JMJD1C: variants seen among roughly 807,000 people sequenced by gnomAD.
JMJD1C encodes the protein jumonji domain containing 1C, also known as jumonji domain-containing protein 1C.
Under a neutral mutation model 245.3 loss-of-function variants are expected in JMJD1C, and 31 were observed. The ratio of observed to expected loss-of-function variants is 0.13; its 90% CI spans 0.09 to 0.17. The LOEUF (loss-of-function observed/expected upper bound fraction) is 0.17, where lower values mean the gene tolerates loss of function less well. JMJD1C is among the 10% of genes least tolerant of loss of function. The pLI is 1.00. For missense variants in JMJD1C, 2,691 were observed against 3,000.2 expected, an observed-to-expected ratio of 0.90 and a Z score of 2.41; for synonymous variants, 1,057 against 1,017.4, an observed-to-expected ratio of 1.04 and a Z score of -0.74.
intron 13 of JMJD1C, among the ~76,000 whole-genome samples, chr10:63,195,996 A>G (rs1845416932): frequency 6.6e-6 from 1 of 151,504 alleles, no homozygotes; most frequent in Non-Finnish European, 1.5e-5. Context: ...TATGAAAATC[A>G]GCAGGCTGGG....
intron 1 of JMJD1C, among the ~76,000 whole-genome samples, chr10:63,474,625 T>C (rs1280666290): frequency 6.6e-6 from 1 of 151,972 alleles, no homozygotes; most frequent in Non-Finnish European, 1.5e-5. Context: ...TCATTTTTTA[T>C]TTTTTTGTAG....
intron 3 of JMJD1C, among the ~76,000 whole-genome samples, chr10:63,241,239 T>C (rs940065098): frequency 6.6e-6 from 1 of 152,200 alleles, no homozygotes; most frequent in Non-Finnish European, 1.5e-5. Context: ...ACTGAAAATA[T>C]TAAGTTGAAA....
At position 63,189,264 on chromosome 10, in the gene JMJD1C, T is replaced by C. The variant is rs1470210443; in HGVS notation, c.6474A>G (p.Pro2158=). 1.5e-5 allele frequency: 24 copies of C among 1,612,986 alleles called. No homozygotes were observed. Among genetic ancestry groups the C allele is most frequent in the Non-Finnish European group, 2.0e-5 (23 of 1,179,202 alleles). Residue 2158 remains proline (P), a synonymous_variant, in exon 18 of 26, where the codon CCA becomes CCG. Transcript: ENST00000399262. ...DENNKLYSDI[P]HSWICEKHIL... ...TATGCTTCTCACAGATCCAAGAATG[T>C]GGTATATCACTGTATAATTTATTAT...
At chr10:63,387,434 A>T (rs538889743) in intron 1 of JMJD1C, among the ~76,000 whole-genome samples, 9 of 152,092 alleles carry the variant, frequency 5.9e-5, no homozygotes, top group African/African-American at 1.9e-4. Flanking sequence ...AAGAAAAACA[A>T]TTCAGGATAT....
chr10:63,344,093 A>G (rs1296374452), intron 2 of JMJD1C, among the ~76,000 whole-genome samples: 1 of 152,184 alleles, frequency 6.6e-6, no homozygotes, highest in Non-Finnish European at 1.5e-5. Flanking sequence ...CAGCATTTAT[A>G]AAGTCTACGG....
intron 8 of JMJD1C, among the ~76,000 whole-genome samples, chr10:63,210,355 T>G: frequency 6.6e-6 from 1 of 152,194 alleles, no homozygotes; most frequent in Non-Finnish European, 1.5e-5. Flanking sequence ...TTATTTTTCC[T>G]CAAAATGTTA....
At chr10:63,469,038 A>G (rs1165472863), upstream of JMJD1C, among the ~76,000 whole-genome samples, 1 of 152,232 alleles carries the variant, frequency 6.6e-6, no homozygotes, top group African/African-American at 2.4e-5. Flanking sequence ...TATTCACTGC[A>G]ATAAGAACCA....
chr10:63,384,764 C>A (rs1487348482), intron 1 of JMJD1C, among the ~76,000 whole-genome samples: 1 of 152,216 alleles, frequency 6.6e-6, no homozygotes, highest in Non-Finnish European at 1.5e-5. Context: ...TAGTCCCTAA[C>A]AAGAGAGTTG....
chr10:63,430,274 T>A (rs75034188), intron 1 of JMJD1C, among the ~76,000 whole-genome samples: 2 of 152,178 alleles, frequency 1.3e-5, no homozygotes, highest in Admixed American at 6.5e-5. Flanking sequence ...CTTTGTGACA[T>A]TGAGTTGGGC....
chr10:63,216,867 G>C (rs374354978), intron 5 of JMJD1C, among the ~76,000 whole-genome samples: 1 of 152,050 alleles, frequency 6.6e-6, no homozygotes, highest in Non-Finnish European at 1.5e-5. Flanking sequence ...AAATGATTTC[G>C]GAAATATTTT....
chr10:63,281,585 C>T (rs576511463), intron 2 of JMJD1C, among the ~76,000 whole-genome samples: 3 of 149,216 alleles, frequency 2.0e-5, no homozygotes, highest in Non-Finnish European at 4.4e-5. Flanking sequence ...GTTATCCTGC[C>T]TCAGCCTCCA....
At position 63,208,368 on chromosome 10, in the gene JMJD1C, C is replaced by A. The variant is rs1846907810; in HGVS notation, c.3301G>T (p.Val1101Leu). The change falls in exon 10 of 26, where the codon GTG (valine) becomes TTG (leucine). Residue 1101 changes from valine (V) to leucine (L), a missense_variant. Physicochemically the swap from Val to Leu is conservative, Grantham distance 32 (BLOSUM62 1). Around this residue, in one of 9 missense-constraint regions of JMJD1C, gnomAD observed 1,562 missense variants for 1,490.7 expected, o/e 1.05. Transcript: ENST00000399262. ...TATGATCTTGGTGGTTCATTGACCACACTATTAGACAATGTAGTGAAATAG... is the reference window on the plus strand; with the variant it reads ...TATGATCTTGGTGGTTCATTGACCAAACTATTAGACAATGTAGTGAAATAG... The part of the protein sequence containing the change: ...SNYFTTLSNS[V>L]VNEPPRSYPS... 3 of 1,613,422 alleles carry A rather than the reference C, an allele frequency of 1.9e-6. No homozygotes were observed. The highest frequency in any genetic ancestry group is 1.3e-5 in the African/African-American group (1 of 74,876).
chr10:63,194,770 C>T (rs41274066), intron 13 of JMJD1C: 2,119 of 168,318 alleles, frequency 0.013, 32 homozygotes, highest in African/African-American at 0.034. Context: ...TTTGAGATGA[C>T]TGTTAATTCA....
chr10:63,236,125 TTATC>T (rs1301444017), intron 3 of JMJD1C, among the ~76,000 whole-genome samples: 2 of 152,196 alleles, frequency 1.3e-5, no homozygotes, highest in African/African-American at 2.4e-5. Flanking sequence ...GTATCTTGCT[TTATC>T]TATTCGGTTA....
intron 2 of JMJD1C, among the ~76,000 whole-genome samples, chr10:63,323,473 T>C (rs888556512): frequency 6.6e-6 from 1 of 152,048 alleles, no homozygotes; most frequent in African/African-American, 2.4e-5. Context: ...TGAGCCAAGA[T>C]CGCGCCACTG....
Position 63,209,166 on chromosome 10 carries a change from G to A in JMJD1C, c.2764C>T (p.His922Tyr). ...TSADGIGLLS[H>Y]IPVRPSSAEP... ...GCACTGGAAGGTCTGACAGGAATGTGACTAAGTAATCCAATACCATCTGCT... is the reference window on the plus strand; with the variant it reads ...GCACTGGAAGGTCTGACAGGAATGTAACTAAGTAATCCAATACCATCTGCT... Residue 922 changes from histidine (H) to tyrosine (Y), a missense_variant, in exon 9 of 26, where the codon CAC (histidine) becomes TAC (tyrosine). This residue lies in a region of JMJD1C where 1,562 missense variants were observed against 1,490.7 expected (regional missense o/e 1.05). Coordinates refer to ENST00000399262, the MANE Select transcript of JMJD1C (RefSeq NM_032776.3). 1.2e-6 allele frequency: 2 copies of A among 1,613,974 alleles called. No individual in the cohort carries two copies. Among genetic ancestry groups the A allele is most frequent in the Non-Finnish European group, 1.7e-6 (2 of 1,179,894 alleles).
At chr10:63,219,812 C>G (rs1384929901) in intron 4 of JMJD1C, 66 bp downstream of exon 4, 1 of 1,127,058 alleles carries the variant, frequency 8.9e-7, no homozygotes, top group African/African-American at 1.5e-5. Flanking sequence ...AATTGAATAA[C>G]CAAAAACAAA....
At chr10:63,353,754 G>A (rs926369204) in intron 2 of JMJD1C, among the ~76,000 whole-genome samples, 5 of 152,154 alleles carry the variant, frequency 3.3e-5, no homozygotes, top group South Asian at 2.1e-4. Flanking sequence ...TGATCTGCCC[G>A]CCTCAGCCTC....
At chr10:63,449,968 G>A (rs899513595) in intron 1 of JMJD1C, among the ~76,000 whole-genome samples, 3 of 151,916 alleles carry the variant, frequency 2.0e-5, no homozygotes, top group Non-Finnish European at 4.4e-5. Flanking sequence ...TAAAAATTAG[G>A]CAGGCATGGT....
Sources: gnomAD v4.1 joint callset for allele counts (sites outside exome capture counted in the v4.1 genomes callset) on GRCh38, gnomAD v4.1.1 for gene constraint, gnomAD v4.1.1 regional missense constraint, MANE v1.5 for transcripts, NCBI Gene and HGNC (gene_info 2026-07-23, HGNC 2026-07-21) for gene names.